GFOD1: variants seen among roughly 807,000 people sequenced by gnomAD.
The protein encoded by GFOD1 is glucose-fructose oxidoreductase domain-containing protein 1.
Under a neutral mutation model 25.4 loss-of-function variants are expected in GFOD1, and 9 were observed. The observed-to-expected ratio is 0.35, with a 90% CI of 0.21 to 0.62. The LOEUF is 0.62. Among genes scored for constraint, GFOD1 ranks in the 20% least tolerant of loss-of-function variants. The pLI, the probability that GFOD1 is intolerant of heterozygous loss-of-function variation, is 0.72. For missense variants in GFOD1, 403 were observed against 556.9 expected (o/e 0.72, Z 2.78); for synonymous variants, 253 against 245.6 (o/e 1.03, Z -0.28).
chr6:13,431,290 G>T (rs952377963), intron 1 of GFOD1, among the ~76,000 whole-genome samples: 1 of 152,156 alleles, frequency 6.6e-6, no homozygotes, highest in African/African-American at 2.4e-5. Context: ...TGCCCATTTT[G>T]CAGATGAAGA....
chr6:13,373,178 G>A (rs1272213316), intron 1 of GFOD1, among the ~76,000 whole-genome samples: 1 of 152,186 alleles, frequency 6.6e-6, no homozygotes, highest in Non-Finnish European at 1.5e-5. Flanking sequence ...GCGTGATTAT[G>A]GAATGCAGAT....
chr6:13,433,261 A>G lies in GFOD1; in HGVS notation c.253+53377T>C, dbSNP rs1757781322. Among the ~76,000 whole-genome samples, 3 of 151,964 alleles carry G rather than the reference A, an allele frequency of 2.0e-5. No homozygotes were observed. The South Asian group carries it at 6.2e-4, about 32-fold the overall frequency. ...CAGCCTCTCAAGTAGCTGGGATTAC[A>G]TGCACCTGCCACCACGCCTGGCTAA... On this transcript the variant is annotated intron_variant, in intron 1 of 1. Coordinates refer to ENST00000379287, the MANE Select transcript of GFOD1 (RefSeq NM_018988.4).
At chr6:13,421,074 G>A (rs1292439243) in intron 1 of GFOD1, among the ~76,000 whole-genome samples, 1 of 152,126 alleles carries the variant, frequency 6.6e-6, no homozygotes, top group Non-Finnish European at 1.5e-5. Flanking sequence ...ATTCAATAAG[G>A]GGTAGATATA....
chr6:13,374,264 G>GTT lies in GFOD1; in HGVS notation c.254-8604_254-8603dup, dbSNP rs113077397. On this transcript the variant is annotated intron_variant, in intron 1 of 1. Coordinates refer to ENST00000379287, the MANE Select transcript of GFOD1 (RefSeq NM_018988.4). ...GCCAGCCTAGTCTTTTTAAAAATATGTTTTTTTTTTGTGTGTGTGTGTGTG... is the reference window on the plus strand; with the variant it reads ...GCCAGCCTAGTCTTTTTAAAAATATGTTTTTTTTTTTTGTGTGTGTGTGTGTG... Among the ~76,000 whole-genome samples the GTT allele has an allele frequency of 1.9e-3, 240 of 126,190 alleles. 1 individual carries two copies. Among genetic ancestry groups the GTT allele is most frequent in the Middle Eastern group, 0.012 (3 of 260 alleles). 82.8% of individuals were successfully genotyped at this position (126,190 alleles called of 152,430 possible).
At chr6:13,483,126 A>C (rs1051583654) in intron 1 of GFOD1, among the ~76,000 whole-genome samples, 1 of 152,158 alleles carries the variant, frequency 6.6e-6, no homozygotes, top group East Asian at 1.9e-4. Context: ...AAAATAACTA[A>C]ATAAAATTTA....
At chr6:13,409,900 G>A (rs111592806) in intron 1 of GFOD1, among the ~76,000 whole-genome samples, 3 of 84,932 alleles carry the variant, frequency 3.5e-5, no homozygotes, top group African/African-American at 8.4e-5. Context: ...TCTAGCCTGG[G>A]CGACAGAGCG....
chr6:13,403,895 G>A (rs1352337096), intron 1 of GFOD1, among the ~76,000 whole-genome samples: 1 of 152,184 alleles, frequency 6.6e-6, no homozygotes, highest in African/African-American at 2.4e-5. Flanking sequence ...ATTACTAATG[G>A]ATATATGGTT....
At chr6:13,403,090 T>G (rs1562207265) in intron 1 of GFOD1, among the ~76,000 whole-genome samples, 1 of 150,784 alleles carries the variant, frequency 6.6e-6, no homozygotes, top group African/African-American at 2.4e-5. Flanking sequence ...TTTTGTTTTG[T>G]TGTGTGTGTG....
chr6:13,413,738 A>C (rs1786118030), intron 1 of GFOD1, among the ~76,000 whole-genome samples: 1 of 152,202 alleles, frequency 6.6e-6, no homozygotes, highest in Admixed American at 6.5e-5. Context: ...TGTCCAAACA[A>C]GCATGTGTGC....
At chr6:13,366,484 C>T (rs1050471815) in intron 1 of GFOD1, among the ~76,000 whole-genome samples, 4 of 152,148 alleles carry the variant, frequency 2.6e-5, no homozygotes, top group African/African-American at 7.2e-5. Flanking sequence ...TACAGGCGCC[C>T]GCCACCATGC....
At chr6:13,459,537 C>G (rs1758255272) in intron 1 of GFOD1, among the ~76,000 whole-genome samples, 1 of 152,006 alleles carries the variant, frequency 6.6e-6, no homozygotes. Flanking sequence ...AGCTTCTACA[C>G]AGCAAAAGAA....
intron 1 of GFOD1, among the ~76,000 whole-genome samples, chr6:13,388,423 C>A (rs183387273): frequency 1.3e-5 from 2 of 152,218 alleles, no homozygotes; most frequent in East Asian, 3.9e-4. Flanking sequence ...ATATATAGAC[C>A]AATGGAACAG....
intron 1 of GFOD1, among the ~76,000 whole-genome samples, chr6:13,482,168 T>C (rs1184859105): frequency 6.7e-6 from 1 of 148,814 alleles, no homozygotes; most frequent in Non-Finnish European, 1.5e-5. Context: ...TATGTATATA[T>C]ACAAATGTGT....
chr6:13,444,691 T>A (rs1006755739), intron 1 of GFOD1, among the ~76,000 whole-genome samples: 2 of 152,126 alleles, frequency 1.3e-5, no homozygotes, highest in Non-Finnish European at 2.9e-5. Flanking sequence ...ATAAAAAAAA[T>A]TTAATGAAAG....
At chr6:13,398,944 G>T (rs1785789937) in intron 1 of GFOD1, among the ~76,000 whole-genome samples, 1 of 152,230 alleles carries the variant, frequency 6.6e-6, no homozygotes, top group African/African-American at 2.4e-5. Context: ...TCATGAGCCA[G>T]TTACAGTAAC....
chr6:13,469,650 C>T, intron 1 of GFOD1: 7 of 1,152,628 alleles, frequency 6.1e-6, no homozygotes, highest in Non-Finnish European at 7.6e-6. Flanking sequence ...TAATCTAAGA[C>T]ACTACTGCAA....
intron 1 of GFOD1, chr6:13,486,244 C>T (rs916062262): frequency 4.7e-6 from 2 of 427,454 alleles, no homozygotes; most frequent in Non-Finnish European, 5.9e-6. Flanking sequence ...CTCCACCCCC[C>T]CATCCCCCCC....
At chr6:13,452,189 C>G (rs1409687982) in intron 1 of GFOD1, among the ~76,000 whole-genome samples, 1 of 152,116 alleles carries the variant, frequency 6.6e-6, no homozygotes, top group African/African-American at 2.4e-5. Context: ...CAATGCCTGA[C>G]CCGAGACTGG....
At chr6:13,403,602 A>G (rs1286767317) in intron 1 of GFOD1, among the ~76,000 whole-genome samples, 1 of 152,198 alleles carries the variant, frequency 6.6e-6, no homozygotes, top group Non-Finnish European at 1.5e-5. Context: ...ATACTATGAG[A>G]CCACCATTAT....
Sources: allele counts gnomAD v4.1 joint callset (sites outside exome capture counted in the v4.1 genomes callset), GRCh38; gene constraint gnomAD v4.1.1; transcripts MANE v1.5; gene names NCBI Gene and HGNC (gene_info 2026-07-23, HGNC 2026-07-21).